Variants in SLC24A4 observed in about 807,000 individuals in gnomAD.
SLC24A4 encodes the protein solute carrier family 24 member 4.
SLC24A4 carries 53 observed loss-of-function variants against 79.0 expected under a neutral mutation model. That is an observed-to-expected ratio of 0.67 (90% CI 0.54 to 0.84). The LOEUF is 0.84. Ranked by LOEUF, SLC24A4 falls within the 40% of genes least tolerant of loss-of-function variation. The pLI, the probability that SLC24A4 is intolerant of heterozygous loss-of-function variation, is 0.00. For synonymous variants in SLC24A4, 323 were observed against 323.8 expected (o/e 1.00, Z 0.03); for missense variants, 731 against 822.0 (o/e 0.89, Z 1.35).
intron 2 of SLC24A4, among the ~76,000 whole-genome samples, chr14:92,355,585 T>G (rs1377201009): frequency 2.6e-5 from 4 of 152,180 alleles, no homozygotes; most frequent in African/African-American, 9.7e-5. Flanking sequence ...GAAATACCTC[T>G]TTGCCTAAAT....
chr14:92,364,886 G>C (rs569215353), intron 2 of SLC24A4, among the ~76,000 whole-genome samples: 1 of 152,184 alleles, frequency 6.6e-6, no homozygotes, highest in Non-Finnish European at 1.5e-5. Flanking sequence ...AAGGAAGCTC[G>C]TCACTTGCCC....
intron 14 of SLC24A4, 34 bp from the exon 15 acceptor site, chr14:92,491,631 T>A (rs1895674975): frequency 7.0e-7 from 1 of 1,432,254 alleles, no homozygotes; most frequent in Non-Finnish European, 9.9e-7. Context: ...GGTGACCTGC[T>A]CTTATAAAAT....
At chr14:92,432,879 A>C in intron 2 of SLC24A4, among the ~76,000 whole-genome samples, 1 of 152,228 alleles carries the variant, frequency 6.6e-6, no homozygotes, top group Non-Finnish European at 1.5e-5. Context: ...AGTTTATTTA[A>C]CAAGCATTTA....
intron 2 of SLC24A4, among the ~76,000 whole-genome samples, chr14:92,363,457 A>G (rs1303785752): frequency 6.6e-6 from 1 of 152,218 alleles, no homozygotes; most frequent in Non-Finnish European, 1.5e-5. Flanking sequence ...ATTTCACACC[A>G]TGTTAACAGT....
intron 2 of SLC24A4, among the ~76,000 whole-genome samples, chr14:92,387,625 TG>T (rs1889238230): frequency 6.6e-6 from 1 of 152,232 alleles, no homozygotes; most frequent in African/African-American, 2.4e-5. Context: ...TACATTCACA[TG>T]GTTGTGCAAC....
chr14:92,493,533 C>T lies in SLC24A4; in HGVS notation c.1774C>T (p.Leu592=), dbSNP rs1895814494. ...RLDRKLGVYV[L]VLYAIFLCFS... ...GGACCGGAAGCTGGGTGTCTACGTG[C>T]TGGTTCTCTACGCCATCTTCTTGTG... Residue 592 remains leucine (L), a synonymous_variant, in exon 17 of 17, where the codon CTG becomes TTG. Coordinates refer to ENST00000532405, the MANE Select transcript of SLC24A4 (RefSeq NM_153646.4). The T allele has an allele frequency of 1.2e-6, 2 of 1,614,110 alleles. No homozygotes were observed. The highest frequency in any genetic ancestry group is 2.7e-5 in the African/African-American group (2 of 74,936).
intron 2 of SLC24A4, 22 bp from the exon 3 acceptor site, chr14:92,433,890 G>A: frequency 6.2e-7 from 1 of 1,607,928 alleles, no homozygotes; most frequent in Non-Finnish European, 8.5e-7. Context: ...CTAACACTCT[G>A]CCATCTCTTC....
intron 2 of SLC24A4, among the ~76,000 whole-genome samples, chr14:92,337,407 A>G (rs1308663206): frequency 1.3e-5 from 2 of 152,176 alleles, no homozygotes; most frequent in Non-Finnish European, 2.9e-5. Flanking sequence ...TGGTGACTGG[A>G]TGGACAGAGT....
chr14:92,464,489 G>T (rs1354170818), intron 12 of SLC24A4, among the ~76,000 whole-genome samples: 2 of 152,164 alleles, frequency 1.3e-5, no homozygotes, highest in Non-Finnish European at 2.9e-5. Flanking sequence ...TCGCATGCCA[G>T]CAACAAGAAG....
At chr14:92,456,714 G>C (rs888970334) in intron 12 of SLC24A4, 106 bp downstream of exon 12, 4 of 1,177,670 alleles carry the variant, frequency 3.4e-6, no homozygotes, top group Non-Finnish European at 4.8e-6. Flanking sequence ...GGCGGCAGAG[G>C]GCTGGTGCAA....
At chr14:92,454,373 G>A (rs1380080134) in intron 11 of SLC24A4, among the ~76,000 whole-genome samples, 1 of 151,918 alleles carries the variant, frequency 6.6e-6, no homozygotes, top group African/African-American at 2.4e-5. Context: ...TGTTGTTTAG[G>A]GCAAAACAAA....
At chr14:92,458,384 C>A (rs1189985746) in intron 12 of SLC24A4, among the ~76,000 whole-genome samples, 3 of 152,178 alleles carry the variant, frequency 2.0e-5, no homozygotes, top group Admixed American at 2.0e-4. Context: ...CCGTCTCAAA[C>A]GCTTCCCTGG....
intron 2 of SLC24A4, among the ~76,000 whole-genome samples, chr14:92,351,574 A>C (rs1286240588): frequency 1.3e-5 from 2 of 152,248 alleles, no homozygotes; most frequent in Non-Finnish European, 2.9e-5. Context: ...AGGTGCAGGC[A>C]GGCCGGGGGC....
intron 2 of SLC24A4, among the ~76,000 whole-genome samples, chr14:92,386,581 G>C (rs965831060): frequency 1.3e-5 from 2 of 152,112 alleles, no homozygotes; most frequent in Non-Finnish European, 2.9e-5. Flanking sequence ...ATGATAAACT[G>C]TACCTGCTAT....
At chr14:92,322,838 G>A (rs1325477171), upstream of SLC24A4, among the ~76,000 whole-genome samples, 1 of 152,120 alleles carries the variant, frequency 6.6e-6, no homozygotes, top group East Asian at 1.9e-4. Context: ...CGGCTCGGGG[G>A]TCGGAGAGCC....
chr14:92,444,662 C>T (rs532950454), intron 7 of SLC24A4, among the ~76,000 whole-genome samples: 6 of 152,130 alleles, frequency 3.9e-5, no homozygotes, highest in Admixed American at 3.3e-4. Flanking sequence ...TGAGACCAGC[C>T]TGGCCAACAT....
chr14:92,428,598 G>C (rs891037192), intron 2 of SLC24A4, among the ~76,000 whole-genome samples: 3 of 152,228 alleles, frequency 2.0e-5, no homozygotes, highest in Admixed American at 6.5e-5. Context: ...GTGTTTATAG[G>C]ACGGCTGAGG....
At chr14:92,359,694 G>A (rs1887390770) in intron 2 of SLC24A4, among the ~76,000 whole-genome samples, 1 of 152,162 alleles carries the variant, frequency 6.6e-6, no homozygotes, top group South Asian at 2.1e-4. Context: ...AAAAACTCAT[G>A]TCATGATCAC....
intron 11 of SLC24A4, among the ~76,000 whole-genome samples, chr14:92,454,511 T>C (rs1253623606): frequency 6.6e-6 from 1 of 152,240 alleles, no homozygotes; most frequent in Non-Finnish European, 1.5e-5. Flanking sequence ...GGTGCTTTTA[T>C]TTCTCACTTG....
Sources: allele counts gnomAD v4.1 joint callset (sites outside exome capture counted in the v4.1 genomes callset), GRCh38; gene constraint gnomAD v4.1.1; transcripts MANE v1.5; gene names NCBI Gene and HGNC (gene_info 2026-07-23, HGNC 2026-07-21).